The following ADAT1 variants were observed in gnomAD, a reference collection of about 807,000 sequenced individuals.
The protein encoded by ADAT1 is adenosine deaminase tRNA specific 1, also known as tRNA-specific adenosine deaminase 1.
In ADAT1, 58 loss-of-function variants were observed where a neutral mutation model predicts 58.6. That is an observed-to-expected ratio of 0.99 (90% CI 0.80 to 1.23). The LOEUF (loss-of-function observed/expected upper bound fraction) is 1.23. Ranked by LOEUF, ADAT1 falls within the 50% of genes most tolerant of loss-of-function variation. The pLI is 0.00. For synonymous variants in ADAT1, 254 were observed against 220.8 expected (o/e 1.15, Z -1.33); for missense variants, 741 against 608.6 (o/e 1.22, Z -2.29).
intron 2 of ADAT1, 107 bp from the exon 3 acceptor site, chr16:75,620,441 C>G (rs2081895351): frequency 6.9e-7 from 1 of 1,447,206 alleles, no homozygotes; most frequent in Non-Finnish European, 9.7e-7. Flanking sequence ...GAGGCCCACT[C>G]AACCAAGGTC....
chr16:75,604,271 A>G (rs1567464250), intron 8 of ADAT1, among the ~76,000 whole-genome samples: 1 of 151,008 alleles, frequency 6.6e-6, no homozygotes, highest in East Asian at 2.0e-4. Context: ...CATCTCTACT[A>G]AAAATACAAA....
chr16:75,600,055 G>C lies in ADAT1; in HGVS notation c.*161C>G. 1.3e-6 allele frequency: 2 copies of C among 1,481,778 alleles called. No homozygotes were observed. The highest frequency in any genetic ancestry group is 2.3e-5 in the East Asian group (1 of 42,862). The allele number at this position is 1,481,778 out of a possible 1,614,324, so 91.8% of individuals were successfully genotyped here. ...CAGAGAGCTACTTCAATCAAGTATAGCTTGCTCTAAGTTCCAGATTCCATC... is the reference window on the plus strand; with the variant it reads ...CAGAGAGCTACTTCAATCAAGTATACCTTGCTCTAAGTTCCAGATTCCATC... On this transcript the variant is annotated 3_prime_UTR_variant, in exon 10 of 10. Coordinates refer to ENST00000564657, the MANE Select transcript of ADAT1 (RefSeq NM_001324445.2).
chr16:75,615,371 C>T (rs2081668665), intron 5 of ADAT1, among the ~76,000 whole-genome samples: 1 of 148,290 alleles, frequency 6.7e-6, no homozygotes. Context: ...AGGGCATAAT[C>T]AAACTACATA....
intron 6 of ADAT1, among the ~76,000 whole-genome samples, chr16:75,611,319 A>G (rs2081526357): frequency 6.6e-6 from 1 of 152,178 alleles, no homozygotes; most frequent in African/African-American, 2.4e-5. Context: ...GTACTTTAAG[A>G]CCAAAATTGG....
chr16:75,612,460 C>A lies in ADAT1; in HGVS notation c.826G>T (p.Ala276Ser), dbSNP rs756353591. The A allele has an allele frequency of 2.4e-5, 39 of 1,614,104 alleles. 2 individuals carry two copies. In the Admixed American group the frequency reaches 5.8e-4, roughly 24 times the overall value. The part of the protein sequence containing the change: ...GEAGDSGKPG[A>S]AFHQVGLLRV... ...AGCAGCCCCACCTGGTGAAACGCAG[C>A]ACCCGGCTTTCCGGAGTCTCCAGCT... is the stretch of plus-strand genomic sequence containing the variant. Residue 276 changes from alanine to serine, a missense_variant, in exon 6 of 10, where the codon GCT becomes TCT. Physicochemically the swap from Ala to Ser is moderately conservative, Grantham distance 99. Transcript: ENST00000564657.
At chr16:75,618,674 A>G in intron 3 of ADAT1, 34 bp from the exon 4 acceptor site, 2 of 1,611,452 alleles carry the variant, frequency 1.2e-6, no homozygotes, top group Non-Finnish European at 1.7e-6. Flanking sequence ...GTGAAGACAT[A>G]TGGAAGCTGG....
At chr16:75,601,336 T>C (rs2081224436) in intron 9 of ADAT1, among the ~76,000 whole-genome samples, 1 of 150,836 alleles carries the variant, frequency 6.6e-6, no homozygotes, top group Non-Finnish European at 1.5e-5. Flanking sequence ...AGCAAGACAC[T>C]GTCTCAAAAA....
intron 8 of ADAT1, among the ~76,000 whole-genome samples, chr16:75,604,520 T>TAC (rs2081321206): frequency 1.0e-5 from 1 of 97,980 alleles, no homozygotes; most frequent in Non-Finnish European, 1.9e-5. Context: ...CACACACACA[T>TAC]ATATACATAT....
At chr16:75,607,202 G>T (rs2151753841) in intron 8 of ADAT1, among the ~76,000 whole-genome samples, 1 of 152,158 alleles carries the variant, frequency 6.6e-6, no homozygotes, top group African/African-American at 2.4e-5. Flanking sequence ...AAATGTAAAT[G>T]CAAATAAAAA....
intron 1 of ADAT1, among the ~76,000 whole-genome samples, chr16:75,621,573 C>A (rs1039198851): frequency 6.6e-6 from 1 of 152,064 alleles, no homozygotes; most frequent in African/African-American, 2.4e-5. Flanking sequence ...ATAAGTAATA[C>A]TTATAAAAAG....
Position 75,608,279 on chromosome 16 carries a change from C to T in ADAT1, c.1234G>A (p.Ala412Thr). 6.2e-7 allele frequency: 1 copy of T among 1,614,048 alleles called. No individual in the cohort carries two copies. Among genetic ancestry groups the T allele is most frequent in the African/African-American group, 1.3e-5 (1 of 75,032 alleles). The change falls in exon 8 of 10, where the codon GCC becomes ACC. Residue 412 changes from alanine to threonine, a missense_variant. Ala to Thr is a moderately conservative substitution (Grantham distance 58). Transcript: ENST00000564657. ...AVPEQPLDVT[A>T]NGFPQGTTKK... Reference sequence around the variant, plus strand: ...GTTGTTCCCTGTGGAAAGCCATTGGCAGTAACATCCAAAGGCTGCTCAGGA... The same window carrying T: ...GTTGTTCCCTGTGGAAAGCCATTGGTAGTAACATCCAAAGGCTGCTCAGGA...
chr16:75,617,063 GAAAA>G, intron 5 of ADAT1, 75 bp downstream of exon 5: 205 of 1,508,422 alleles, frequency 1.4e-4, no homozygotes, highest in Middle Eastern at 1.8e-4. Flanking sequence ...TGCTTTTTAG[GAAAA>G]AACCTACCTA....
intron 3 of ADAT1, among the ~76,000 whole-genome samples, chr16:75,619,058 G>C (rs554818726): frequency 1.3e-5 from 2 of 152,142 alleles, no homozygotes; most frequent in Non-Finnish European, 2.9e-5. Flanking sequence ...GGAGAACAAA[G>C]GTCTAGATCT....
chr16:75,600,457 A>AGAGAAG, intron 9 of ADAT1, 109 bp from the exon 10 acceptor site: 1 of 1,490,854 alleles, frequency 6.7e-7, no homozygotes, highest in Non-Finnish European at 9.0e-7. Context: ...AGACTTAGGT[A>AGAGAAG]GAGAAGGAGT....
intron 5 of ADAT1, among the ~76,000 whole-genome samples, chr16:75,615,285 C>T (rs1301224838): frequency 6.7e-6 from 1 of 148,980 alleles, no homozygotes; most frequent in Non-Finnish European, 1.5e-5. Context: ...TAGTCTTGAG[C>T]TTTCTTGGTT....
At chr16:75,611,179 G>A (rs1374817603) in intron 6 of ADAT1, among the ~76,000 whole-genome samples, 1 of 152,090 alleles carries the variant, frequency 6.6e-6, no homozygotes, top group African/African-American at 2.4e-5. Context: ...TAATGGCAAT[G>A]TATGTGCACT....
In ADAT1 at chr16:75,600,316, T is replaced by C. The variant is rs771744048; in HGVS notation, c.1409A>G (p.Lys470Arg). 3.7e-6 allele frequency: 6 copies of C among 1,614,060 alleles called. No individual in the cohort carries two copies. The highest frequency in any genetic ancestry group is 1.7e-5 in the Admixed American group (1 of 60,012). Residue 470 changes from lysine (K) to arginine (R), a missense_variant, in exon 10 of 10, where the codon AAG (lysine) becomes AGG (arginine). Lys to Arg is a conservative substitution (Grantham distance 26, BLOSUM62 2). Coordinates refer to ENST00000564657, the MANE Select transcript of ADAT1 (RefSeq NM_001324445.2). ...VQKLDTYQEY[K>R]EAASSYQEAW... Reference sequence around the variant, plus strand: ...TTCCTGGTAAGAGGACGCAGCCTCCTTGTACTCCTGGTAGGTATCCAGCTT... The same window carrying C: ...TTCCTGGTAAGAGGACGCAGCCTCCCTGTACTCCTGGTAGGTATCCAGCTT...
intron 8 of ADAT1, among the ~76,000 whole-genome samples, chr16:75,605,723 G>T (rs958406406): frequency 6.6e-6 from 1 of 151,640 alleles, no homozygotes; most frequent in African/African-American, 2.4e-5. Context: ...ATCACCTGAG[G>T]TCAGGAGTTC....
Position 75,608,394 on chromosome 16 carries a change from A to T in ADAT1, c.1190-71T>A. The T allele has an allele frequency of 5.2e-6, 7 of 1,337,554 alleles. No homozygotes were observed. The South Asian group carries it at 8.3e-5, about 16-fold the overall frequency. 82.9% of individuals were successfully genotyped at this position (1,337,554 alleles called of 1,614,324 possible). On this transcript the variant is annotated intron_variant, in intron 7 of 9. Transcript: ENST00000564657. ...TGAAAGTCAGAAGTATTTTAATAAAAATATTTCTCTGACTCTACAGACCCA... is the reference window on the plus strand; with the variant it reads ...TGAAAGTCAGAAGTATTTTAATAAATATATTTCTCTGACTCTACAGACCCA...
Sources: gnomAD v4.1 joint callset for allele counts (sites outside exome capture counted in the v4.1 genomes callset) on GRCh38, gnomAD v4.1.1 for gene constraint, MANE v1.5 for transcripts, NCBI Gene and HGNC (gene_info 2026-07-23, HGNC 2026-07-21) for gene names.